The following PCID2 variants were observed in gnomAD, a reference collection of about 807,000 sequenced individuals.
PCID2 encodes PCI domain containing 2.
In PCID2, 41 loss-of-function variants were observed where a neutral mutation model predicts 61.3. The ratio of observed to expected loss-of-function variants is 0.67; its 90% CI spans 0.52 to 0.87. The LOEUF (loss-of-function observed/expected upper bound fraction) is 0.87, where lower values mean the gene tolerates loss of function less well. Ranked by LOEUF, PCID2 falls within the 40% of genes least tolerant of loss-of-function variation. PCID2 has a pLI of 0.00. For missense variants in PCID2, 392 were observed against 493.4 expected (o/e 0.79, Z 1.95); for synonymous variants, 187 against 177.8 (o/e 1.05, Z -0.41).
intron 10 of PCID2, 104 bp from the exon 11 acceptor site, chr13:113,180,335 A>C: frequency 1.2e-6 from 1 of 835,940 alleles, no homozygotes; most frequent in Non-Finnish European, 2.0e-6. Context: ...TTGCAACCTG[A>C]GTTTCTTAGA....
In PCID2 at chr13:113,190,982, AAATAT is replaced by A; in HGVS notation, c.364-12_364-8del. ...TTACCAACTGTTGATCTGCCTAATA[AAATAT>A]AAGAACTTTTATTTCATTTTTCCGA... On this transcript the variant is annotated splice_region_variant and splice_polypyrimidine_tract_variant and intron_variant, in intron 6 of 13. Transcript: ENST00000337344. The A allele has an allele frequency of 6.3e-7, 1 of 1,591,270 alleles. No individual in the cohort carries two copies. Among genetic ancestry groups the A allele is most frequent in the Non-Finnish European group, 8.6e-7 (1 of 1,160,214 alleles).
At chr13:113,189,958 G>A (rs573435676) in intron 7 of PCID2, among the ~76,000 whole-genome samples, 2 of 151,904 alleles carry the variant, frequency 1.3e-5, no homozygotes, top group Non-Finnish European at 2.9e-5. Context: ...AGGAGGCGGA[G>A]GTTGCAGTGA....
rs556260811 is a variant in PCID2, at chr13:113,198,964, C to T, written c.127-700G>A. The stretch of plus-strand genomic sequence containing the variant: ...CTATGTTAGGACTCGTTCTTCTCGG[C>T]TTCCTGCTGAGACCACCAGTCTCAT... On this transcript the variant is annotated intron_variant, in intron 2 of 13. Coordinates refer to ENST00000337344, the MANE Select transcript of PCID2 (RefSeq NM_001127202.4). Among the ~76,000 whole-genome samples the T allele has an allele frequency of 2.0e-5, 3 of 152,338 alleles. No individual in the cohort carries two copies. In the South Asian group the frequency reaches 6.2e-4, roughly 32 times the overall value.
the PCID2 span, among the ~76,000 whole-genome samples, chr13:113,170,178 G>A: frequency 5.3e-5 from 8 of 152,152 alleles, no homozygotes; most frequent in Non-Finnish European, 1.0e-4. Context: ...GGGCCGAAAG[G>A]GGAAGTGCCG....
At position 113,181,155 on chromosome 13, in the gene PCID2, T is replaced by C. The variant is rs1391925353; in HGVS notation, c.761A>G (p.Tyr254Cys). 1.2e-6 allele frequency: 2 copies of C among 1,611,140 alleles called. No homozygotes were observed. The highest frequency in any genetic ancestry group is 1.7e-6 in the Non-Finnish European group (2 of 1,177,436). ...SQKNKRMILI[Y>C]LLPVKMLLGH... ...CAATAGCATTTTTACTGGAAGCAAA[T>C]AGATCAGAATCATCCTTTTGTTCTT... The change falls in exon 10 of 14, where the codon TAT becomes TGT. Residue 254 changes from tyrosine (Y) to cysteine (C), a missense_variant. Transcript: ENST00000337344.
chr13:113,198,110 A>C (rs1313005147), intron 3 of PCID2, 81 bp downstream of exon 3: 1 of 934,530 alleles, frequency 1.1e-6, no homozygotes, highest in Non-Finnish European at 1.7e-6. Context: ...TGCTTCAAGC[A>C]CAAGATAATG....
At chr13:113,184,943 G>A (rs990047291) in intron 8 of PCID2, among the ~76,000 whole-genome samples, 3 of 151,968 alleles carry the variant, frequency 2.0e-5, no homozygotes, top group Non-Finnish European at 2.9e-5. Context: ...TCCAGGGGGC[G>A]CAGCCCTGCA....
the PCID2 span, chr13:113,170,312 T>TGGGGGTGGGGG: frequency 3.6e-6 from 2 of 549,036 alleles, no homozygotes; most frequent in Non-Finnish European, 6.3e-6. Flanking sequence ...GGGGTGGGGG[T>TGGGGGTGGGGG]GGGGGTGGGG....
chr13:113,170,706 A>T, the PCID2 span, among the ~76,000 whole-genome samples: 1 of 152,178 alleles, frequency 6.6e-6, no homozygotes, highest in Non-Finnish European at 1.5e-5. Flanking sequence ...TACCAGCAGA[A>T]GCCTGGGCCC....
chr13:113,199,568 T>C (rs1186042561), intron 2 of PCID2, among the ~76,000 whole-genome samples: 1 of 152,198 alleles, frequency 6.6e-6, no homozygotes, highest in Non-Finnish European at 1.5e-5. Context: ...TGGGGAATTT[T>C]ACAATGAAGG....
At chr13:113,172,433 G>C in the PCID2 span, 1 of 375,960 alleles carries the variant, frequency 2.7e-6, no homozygotes. Context: ...AGTGTTCCCT[G>C]TGCTCAGGGA....
chr13:113,186,682 C>T (rs537803132), intron 7 of PCID2: 1 of 152,346 alleles, frequency 6.6e-6, no homozygotes, highest in South Asian at 2.1e-4. Context: ...TGTTTAGACA[C>T]ACAAATAATT....
At chr13:113,190,593 CT>C (rs2038529257) in intron 7 of PCID2, 1 of 288,058 alleles carries the variant, frequency 3.5e-6, no homozygotes, top group Non-Finnish European at 6.3e-6. Context: ...AAGAAAGTGC[CT>C]CAGGAAAGGG....
At chr13:113,204,464 C>A (rs1251314805) in intron 1 of PCID2, among the ~76,000 whole-genome samples, 2 of 152,210 alleles carry the variant, frequency 1.3e-5, no homozygotes, top group Non-Finnish European at 2.9e-5. Flanking sequence ...GAGACCCCTG[C>A]TGGGGGCACT....
rs1336666620 is a variant in PCID2 at position 113,184,472 on chromosome 13, A to C, written c.559T>G (p.Leu187Val). ...ATTGCTCTAATTAGGGGTTTACATA[A>C]ATGGAGTTTGTTGATCTATAATGAA... Reference protein sequence around the residue: ...KIYFKINKLHLCKPLIRAIDS... With the variant: ...KIYFKINKLHVCKPLIRAIDS... Residue 187 changes from leucine to valine, a missense_variant, in exon 9 of 14, where the codon TTA becomes GTA. Coordinates refer to ENST00000337344, the MANE Select transcript of PCID2 (RefSeq NM_001127202.4). The C allele has an allele frequency of 1.3e-6, 2 of 1,585,528 alleles. No homozygotes were observed. Among genetic ancestry groups the C allele is most frequent in the Non-Finnish European group, 8.7e-7 (1 of 1,153,966 alleles).
downstream of PCID2, among the ~76,000 whole-genome samples, chr13:113,175,567 T>C (rs972636529): frequency 2.6e-5 from 4 of 152,070 alleles, no homozygotes; most frequent in Admixed American, 1.3e-4. Flanking sequence ...ACTGGACACA[T>C]GGGTAGCTAG....
chr13:113,202,055 T>C (rs2039474069), intron 1 of PCID2, among the ~76,000 whole-genome samples: 1 of 152,196 alleles, frequency 6.6e-6, no homozygotes, highest in Non-Finnish European at 1.5e-5. Context: ...ACACCAAGTG[T>C]TGCCAGGAGC....
chr13:113,196,289 T>C (rs774637364), intron 4 of PCID2, 67 bp from the exon 5 acceptor site: 63 of 1,240,542 alleles, frequency 5.1e-5, no homozygotes, highest in Admixed American at 1.1e-4. Context: ...AAGTAAAGAA[T>C]AAGAATCTAA....
In PCID2 at chr13:113,178,073, C is replaced by T. The variant is rs886354271; in HGVS notation, c.*125G>A. ...GCTGAAAATCTCAGCCTCAGCATCC[C>T]TGGGAAAAGCGCCTCCAAGAGTTCC... is the stretch of plus-strand genomic sequence containing the variant. On this transcript the variant is annotated 3_prime_UTR_variant, in exon 14 of 14. Transcript: ENST00000337344. 3.4e-6 allele frequency: 2 copies of T among 594,162 alleles called. No homozygotes were observed. The highest frequency in any genetic ancestry group is 3.7e-5 in the African/African-American group (2 of 53,790). The allele number at this position is 594,162 out of a possible 1,614,324, so 36.8% of individuals were successfully genotyped here.
Sources: allele counts gnomAD v4.1 joint callset (sites outside exome capture counted in the v4.1 genomes callset), GRCh38; gene constraint gnomAD v4.1.1; transcripts MANE v1.5; gene names NCBI Gene and HGNC (gene_info 2026-07-23, HGNC 2026-07-21).